Variants in LRRC1 observed in about 807,000 individuals in gnomAD.
LRRC1 encodes the protein leucine-rich repeat-containing protein 1.
In LRRC1, 28 loss-of-function variants were observed where a neutral mutation model predicts 69.9. That is an observed-to-expected ratio of 0.40 (90% CI 0.30 to 0.55). The LOEUF (loss-of-function observed/expected upper bound fraction) is 0.55. Among genes scored for constraint, LRRC1 ranks in the 20% least tolerant of loss-of-function variants. The pLI is 0.47. For missense variants in LRRC1, 498 were observed against 609.0 expected (o/e 0.82, Z 1.92); for synonymous variants, 236 against 240.2 (o/e 0.98, Z 0.16).
At chr6:53,875,823 AT>A (rs1174696912) in intron 2 of LRRC1, among the ~76,000 whole-genome samples, 1 of 152,218 alleles carries the variant, frequency 6.6e-6, no homozygotes. Flanking sequence ...TTTGATACAT[AT>A]AATGTACTGT....
At position 53,897,310 on chromosome 6, in the gene LRRC1, A is replaced by T. The variant is rs766159853; in HGVS notation, c.593A>T (p.His198Leu). 6 of 1,612,652 alleles carry T rather than the reference A, an allele frequency of 3.7e-6. No homozygotes were observed. The highest frequency in any genetic ancestry group is 4.2e-6 in the Non-Finnish European group (5 of 1,179,110). Residue 198 changes from histidine (H) to leucine (L), a missense_variant, in exon 7 of 14, where the codon CAT becomes CTT. By Grantham distance (99) the His-to-Leu change is moderately conservative. Around this residue, in one of 3 missense-constraint regions of LRRC1, gnomAD observed 266 missense variants for 383.9 expected, o/e 0.69. Transcript: ENST00000370888. The stretch of plus-strand genomic sequence containing the variant: ...CCAGAATCAATTGGAGCCCTCTTAC[A>T]TCTAAAAGATCTCTGGTTGGATGGA... ...NLPESIGALL[H>L]LKDLWLDGNQ...
At chr6:53,912,545 T>A (rs907857060) in intron 10 of LRRC1, among the ~76,000 whole-genome samples, 1 of 152,180 alleles carries the variant, frequency 6.6e-6, no homozygotes, top group Non-Finnish European at 1.5e-5. Context: ...AATGTTAGTC[T>A]ACATTTACTT....
At chr6:53,856,417 G>C (rs1240017640) in intron 2 of LRRC1, among the ~76,000 whole-genome samples, 1 of 152,178 alleles carries the variant, frequency 6.6e-6, no homozygotes, top group Non-Finnish European at 1.5e-5. Flanking sequence ...AAGGAGCTGG[G>C]AGGTTGTGGG....
rs116982539 is a variant in LRRC1 at position 53,811,874 on chromosome 6, T to C, written c.159+16459T>C. ...TGTCGATTGGGTGGCACCTTTGAAA[T>C]CGTCATGCAGTGAATGCATATTGAT... is the stretch of plus-strand genomic sequence containing the variant. On this transcript the variant is annotated intron_variant, in intron 1 of 13. Transcript: ENST00000370888. Among the ~76,000 whole-genome samples the C allele has an allele frequency of 2.0e-3, 299 of 152,360 alleles. 4 individuals are homozygous for C. The East Asian group carries it at 0.041, about 21-fold the overall frequency.
intron 1 of LRRC1, among the ~76,000 whole-genome samples, chr6:53,797,075 A>G (rs762720249): frequency 1.3e-5 from 2 of 151,670 alleles, no homozygotes; most frequent in Non-Finnish European, 2.9e-5. Flanking sequence ...ATTTCCTTTG[A>G]CTGGATTGGC....
At chr6:53,860,480 A>G (rs1165361103) in intron 2 of LRRC1, among the ~76,000 whole-genome samples, 1 of 152,046 alleles carries the variant, frequency 6.6e-6, no homozygotes, top group Non-Finnish European at 1.5e-5. Flanking sequence ...AAATGTGAAC[A>G]TGTTTTTGAA....
rs145944021 is a variant in LRRC1, at chr6:53,899,797, G to A, written c.693G>A (p.Arg231=). ...NLLCLDVSEN[R]LERLPEEISG... ...TGTGTTTAGATGTCTCTGAAAACAG[G>A]TTGGAAAGACTTCCTGAAGAAATCA... The change falls in exon 8 of 14, where the codon AGG becomes AGA. Residue 231 remains arginine, a synonymous_variant. Coordinates refer to ENST00000370888, the MANE Select transcript of LRRC1 (RefSeq NM_018214.5). The A allele has an allele frequency of 3.7e-4, 597 of 1,614,084 alleles. 4 individuals carry two copies. The African/African-American group carries it at 7.3e-3, about 20-fold the overall frequency.
intron 2 of LRRC1, among the ~76,000 whole-genome samples, chr6:53,843,104 G>A (rs957759953): frequency 1.3e-5 from 2 of 152,190 alleles, no homozygotes; most frequent in African/African-American, 2.4e-5. Flanking sequence ...ATGGAATTCA[G>A]TTCTTGTAAG....
At chr6:53,858,217 C>G (rs921240229) in intron 2 of LRRC1, among the ~76,000 whole-genome samples, 1 of 152,012 alleles carries the variant, frequency 6.6e-6, no homozygotes, top group Non-Finnish European at 1.5e-5. Context: ...TAAGACTCTA[C>G]TAATTGCATT....
intron 1 of LRRC1, among the ~76,000 whole-genome samples, chr6:53,840,712 A>G (rs1277953274): frequency 6.6e-6 from 1 of 151,774 alleles, no homozygotes; most frequent in South Asian, 2.1e-4. Flanking sequence ...CAATGCTACA[A>G]TATTTTTCAC....
At chr6:53,850,736 GTT>G (rs1766100658) in intron 2 of LRRC1, among the ~76,000 whole-genome samples, 1 of 152,230 alleles carries the variant, frequency 6.6e-6, no homozygotes, top group Non-Finnish European at 1.5e-5. Context: ...TTGCTGTTCA[GTT>G]TACAGTTTAG....
At chr6:53,866,182 G>A (rs1332728493) in intron 2 of LRRC1, among the ~76,000 whole-genome samples, 1 of 152,132 alleles carries the variant, frequency 6.6e-6, no homozygotes, top group Non-Finnish European at 1.5e-5. Context: ...ACTTGGGGAA[G>A]GTTGCCTTCC....
intron 2 of LRRC1, among the ~76,000 whole-genome samples, chr6:53,843,964 G>T (rs1765863646): frequency 6.6e-6 from 1 of 152,084 alleles, no homozygotes; most frequent in African/African-American, 2.4e-5. Context: ...TAAGACATAG[G>T]GTACAGGTCA....
intron 1 of LRRC1, among the ~76,000 whole-genome samples, chr6:53,832,606 T>A (rs1217708540): frequency 2.0e-5 from 3 of 152,204 alleles, no homozygotes; most frequent in Non-Finnish European, 2.9e-5. Flanking sequence ...TGAAAGAACC[T>A]TTTTCTTTTC....
At chr6:53,809,398 A>G (rs1764726782) in intron 1 of LRRC1, among the ~76,000 whole-genome samples, 1 of 152,208 alleles carries the variant, frequency 6.6e-6, no homozygotes, top group Non-Finnish European at 1.5e-5. Flanking sequence ...GCAAAATGGC[A>G]GGAGGAGGAA....
At chr6:53,877,215 A>G (rs1481215494) in intron 2 of LRRC1, among the ~76,000 whole-genome samples, 2 of 152,170 alleles carry the variant, frequency 1.3e-5, no homozygotes, top group African/African-American at 2.4e-5. Context: ...CCTTTTAGTC[A>G]GAGCTGGAGT....
chr6:53,897,082 G>T (rs985364839), intron 6 of LRRC1, among the ~76,000 whole-genome samples, 190 bp downstream of exon 6: 1 of 152,180 alleles, frequency 6.6e-6, no homozygotes, highest in South Asian at 2.1e-4. Context: ...CAGGACTAGA[G>T]ATGATGGACA....
At chr6:53,856,932 G>A (rs528531519) in intron 2 of LRRC1, among the ~76,000 whole-genome samples, 1 of 152,246 alleles carries the variant, frequency 6.6e-6, no homozygotes, top group South Asian at 2.1e-4. Context: ...TTGCTGGAGC[G>A]GGAGGGAGAG....
intron 4 of LRRC1, among the ~76,000 whole-genome samples, chr6:53,892,011 TACACACACACACAC>T (rs70980877): frequency 2.2e-5 from 3 of 135,340 alleles, no homozygotes; most frequent in African/African-American, 5.7e-5. Flanking sequence ...TATATATATA[TACACACACACACAC>T]ACACACACAC....
Sources: allele counts gnomAD v4.1 joint callset (sites outside exome capture counted in the v4.1 genomes callset), GRCh38; gene constraint gnomAD v4.1.1; regional missense constraint gnomAD v4.1.1; transcripts MANE v1.5; gene names NCBI Gene and HGNC (gene_info 2026-07-23, HGNC 2026-07-21).